Variants in ZNF251 observed in about 807,000 individuals in gnomAD.
ZNF251 encodes zinc finger protein 251.
Under a neutral mutation model 13.5 loss-of-function variants are expected in ZNF251, and 14 were observed. The observed-to-expected ratio is 1.04, with a 90% CI of 0.69 to 1.63. The LOEUF is 1.63. Ranked by LOEUF, ZNF251 falls within the 40% of genes most tolerant of loss-of-function variation. ZNF251 has a pLI of 0.00. For synonymous variants in ZNF251, 287 were observed against 295.2 expected (o/e 0.97, Z 0.28); for missense variants, 764 against 834.9 (o/e 0.92, Z 1.05).
intron 2 of ZNF251, 67 bp from the exon 3 acceptor site, chr8:144,754,388 T>C: frequency 1.3e-6 from 2 of 1,495,142 alleles, no homozygotes; most frequent in Non-Finnish European, 1.8e-6. Flanking sequence ...AAAAGGGCCC[T>C]GACCTGGTGG....
intron 4 of ZNF251, among the ~76,000 whole-genome samples, chr8:144,728,808 C>T (rs563500272): frequency 3.3e-5 from 5 of 151,556 alleles, no homozygotes; most frequent in African/African-American, 4.8e-5. Context: ...AAAAAATGTT[C>T]GCCAGGCGCA....
rs1020262743 is a variant in ZNF251, at chr8:144,722,243, T to A, written c.1417A>T (p.Ser473Cys). 1 of 1,613,678 alleles carries A rather than the reference T, an allele frequency of 6.2e-7. No individual in the cohort carries two copies. The highest frequency in any genetic ancestry group is 1.3e-5 in the African/African-American group (1 of 74,746). The part of the protein sequence containing the change: ...CVECGKAFSQ[S>C]SQLTLHQRVH... ...CGCTGATGTAGGGTGAGCTGGGAGC[T>A]CTGGCTGAAAGCTTTCCCACATTCA... Residue 473 changes from serine to cysteine, a missense_variant, in exon 5 of 5, where the codon AGC becomes TGC. Coordinates refer to ENST00000292562, the MANE Select transcript of ZNF251 (RefSeq NM_138367.2). The surrounding 1 kb of genome is among the most constrained non-coding windows in gnomAD (Gnocchi z 4.8).
intron 2 of ZNF251, 64 bp from the exon 3 acceptor site, chr8:144,754,385 C>T: frequency 6.7e-7 from 1 of 1,499,662 alleles, no homozygotes; most frequent in African/African-American, 1.4e-5. Flanking sequence ...ACTAAAAGGG[C>T]CCTGACCTGG....
chr8:144,721,592 A>G lies in ZNF251; in HGVS notation c.*52T>C. On this transcript the variant is annotated 3_prime_UTR_variant, in exon 5 of 5. Coordinates refer to ENST00000292562, the MANE Select transcript of ZNF251 (RefSeq NM_138367.2). ...TATATATCTTTCATTATGCCATCTT[A>G]TCTTCTAATGTCAAGTGAACAGTTG... 7.7e-7 allele frequency: 1 copy of G among 1,301,896 alleles called. No individual in the cohort carries two copies. The highest frequency in any genetic ancestry group is 3.3e-5 in the South Asian group (1 of 30,734). 80.6% of individuals were successfully genotyped at this position (1,301,896 alleles called of 1,614,324 possible).
intron 2 of ZNF251, 136 bp downstream of exon 2, chr8:144,754,560 G>C: frequency 1.4e-6 from 2 of 1,459,690 alleles, no homozygotes; most frequent in Non-Finnish European, 1.8e-6. Context: ...CTACCTCTCA[G>C]AACCCTTTCC....
At chr8:144,741,876 T>G (rs1001253563) in intron 4 of ZNF251, among the ~76,000 whole-genome samples, 7 of 152,148 alleles carry the variant, frequency 4.6e-5, no homozygotes, top group African/African-American at 1.7e-4. Flanking sequence ...AAATGGTCAC[T>G]TATAATTGGT....
chr8:144,749,449 G>A (rs550976141), intron 4 of ZNF251, among the ~76,000 whole-genome samples: 1 of 152,214 alleles, frequency 6.6e-6, no homozygotes, highest in Admixed American at 6.5e-5. Context: ...CTGTGCCACT[G>A]CACTCCACCC....
At chr8:144,738,721 A>G in intron 4 of ZNF251, 1 of 985,226 alleles carries the variant, frequency 1.0e-6, no homozygotes, top group East Asian at 1.1e-4. Context: ...TTGTGGAAAC[A>G]GGATGGTTTT....
chr8:144,723,586 GTCAAA>G (rs1329234252), intron 4 of ZNF251, among the ~76,000 whole-genome samples: 3 of 152,160 alleles, frequency 2.0e-5, no homozygotes, highest in Admixed American at 6.6e-5. Context: ...TATCAAAGTA[GTCAAA>G]TCAAAACAAA....
At chr8:144,733,275 T>C (rs1823775044) in intron 4 of ZNF251, among the ~76,000 whole-genome samples, 1 of 152,172 alleles carries the variant, frequency 6.6e-6, no homozygotes, top group South Asian at 2.1e-4. Context: ...GTGTGGTGGC[T>C]CACGCCTGTA....
At chr8:144,750,007 C>T (rs1480785432) in intron 4 of ZNF251, among the ~76,000 whole-genome samples, 2 of 151,662 alleles carry the variant, frequency 1.3e-5, no homozygotes, top group African/African-American at 4.8e-5. Context: ...GCCACCACAT[C>T]CAGCTTCTTA....
chr8:144,730,945 C>T (rs898267985), intron 4 of ZNF251, among the ~76,000 whole-genome samples: 3 of 152,196 alleles, frequency 2.0e-5, no homozygotes, highest in Non-Finnish European at 4.4e-5. Flanking sequence ...TCGTGGGAAC[C>T]GCCCCCCTCA....
chr8:144,744,295 A>T (rs947303859), intron 4 of ZNF251, among the ~76,000 whole-genome samples: 2 of 152,038 alleles, frequency 1.3e-5, no homozygotes, highest in African/African-American at 4.8e-5. Flanking sequence ...TCTTTTACAG[A>T]GCAGAAGTTT....
At chr8:144,746,730 G>C (rs1824447327) in intron 4 of ZNF251, among the ~76,000 whole-genome samples, 2 of 151,470 alleles carry the variant, frequency 1.3e-5, no homozygotes, top group East Asian at 1.9e-4. Flanking sequence ...TCAAGGAATT[G>C]GTTCATTTAT....
At chr8:144,746,312 A>G (rs908600685) in intron 4 of ZNF251, among the ~76,000 whole-genome samples, 3 of 152,240 alleles carry the variant, frequency 2.0e-5, no homozygotes, top group Admixed American at 2.0e-4. Context: ...CTAATGTTGG[A>G]CCAGCCTTGT....
chr8:144,748,623 C>A (rs1824541853), intron 4 of ZNF251, among the ~76,000 whole-genome samples: 1 of 151,960 alleles, frequency 6.6e-6, no homozygotes, highest in South Asian at 2.1e-4. Context: ...AGCAGTGGTG[C>A]AATCACAGCT....
At chr8:144,754,459 T>C (rs1039777405) in intron 2 of ZNF251, 138 bp from the exon 3 acceptor site, 2 of 1,443,984 alleles carry the variant, frequency 1.4e-6, no homozygotes, top group Non-Finnish European at 1.8e-6. Context: ...AGGTCCCTGA[T>C]GGGGCAGCTG....
intron 4 of ZNF251, among the ~76,000 whole-genome samples, chr8:144,744,379 C>G (rs1319746666): frequency 6.6e-6 from 1 of 152,182 alleles, no homozygotes; most frequent in Non-Finnish European, 1.5e-5. Flanking sequence ...CCTAAAAACT[C>G]ATTGTCAAAC....
intron 4 of ZNF251, among the ~76,000 whole-genome samples, chr8:144,741,633 G>A (rs1381440242): frequency 2.0e-5 from 3 of 152,152 alleles, no homozygotes; most frequent in African/African-American, 7.2e-5. Flanking sequence ...ATCTCAGGGA[G>A]TGAAAACTCT....
Sources: allele counts gnomAD v4.1 joint callset (sites outside exome capture counted in the v4.1 genomes callset), GRCh38; gene constraint gnomAD v4.1.1; non-coding constraint Gnocchi (gnomAD v3.1); transcripts MANE v1.5; gene names NCBI Gene and HGNC (gene_info 2026-07-23, HGNC 2026-07-21).